ZNF280D: variants seen among roughly 807,000 people sequenced by gnomAD.
ZNF280D encodes zinc finger protein 280D, also known as suppressor of hairy wing homolog 4.
A neutral mutation model predicts 94.7 loss-of-function variants in ZNF280D; 39 were observed. The ratio of observed to expected loss-of-function variants is 0.41; its 90% confidence interval spans 0.32 to 0.54. The LOEUF (loss-of-function observed/expected upper bound fraction) is 0.54, where lower values mean the gene tolerates loss of function less well. Among genes scored for constraint, ZNF280D ranks in the 20% least tolerant of loss-of-function variants. The probability of loss-of-function intolerance (pLI) is 0.22; values close to 1 mark genes in which losing one functional copy is unlikely to be tolerated. For missense variants in ZNF280D, 1,090 were observed against 1,149.3 expected (o/e 0.95, Z 0.75); for synonymous variants, 398 against 377.6 (o/e 1.05, Z -0.63).
At chr15:56,659,175 TAAAAAA>T (rs35057161) in intron 16 of ZNF280D, among the ~76,000 whole-genome samples, 7 of 93,226 alleles carry the variant, frequency 7.5e-5, no homozygotes, top group South Asian at 4.7e-4. Flanking sequence ...TGTTTTTTAT[TAAAAAA>T]AAAAAAAAAA....
At chr15:56,715,251 T>C (rs2141336947) in intron 1 of ZNF280D, among the ~76,000 whole-genome samples, 1 of 152,252 alleles carries the variant, frequency 6.6e-6, no homozygotes, top group Admixed American at 6.5e-5. Context: ...GCATTAATCC[T>C]TAAAGTAAAA....
At chr15:56,685,296 A>G (rs4774244) in intron 9 of ZNF280D, among the ~76,000 whole-genome samples, 75,018 of 151,906 alleles carry the variant, frequency 0.49, 19,914 homozygotes, top group East Asian at 0.6. Flanking sequence ...ACAGTGGATT[A>G]TATTTACTGT....
chr15:56,655,796 T>C lies in ZNF280D; in HGVS notation c.2058-1293A>G, dbSNP rs1298563853. ...AATGCTTCAGATAACTTAGCCACTA[T>C]ATATTTAATTTCTTATAAGAGTTAA... is the stretch of plus-strand genomic sequence containing the variant. On this transcript the variant is annotated intron_variant, in intron 17 of 21. Coordinates refer to ENST00000267807, the MANE Select transcript of ZNF280D (RefSeq NM_017661.4). Among the ~76,000 whole-genome samples the C allele has an allele frequency of 1.8e-4, 28 of 152,266 alleles. 1 individual carries two copies. Among genetic ancestry groups the C allele is most frequent in the Admixed American group, 1.8e-3 (27 of 15,294 alleles).
At chr15:56,683,346 C>T (rs1391671853) in intron 9 of ZNF280D, among the ~76,000 whole-genome samples, 2 of 151,932 alleles carry the variant, frequency 1.3e-5, no homozygotes, top group African/African-American at 2.4e-5. Flanking sequence ...GAGATGAGAA[C>T]CAAGCTTAGA....
At chr15:56,712,277 C>G (rs1299376651) in intron 1 of ZNF280D, among the ~76,000 whole-genome samples, 1 of 151,998 alleles carries the variant, frequency 6.6e-6, no homozygotes, top group Non-Finnish European at 1.5e-5. Flanking sequence ...GAATAAGTAT[C>G]CAATTCAAAA....
At chr15:56,719,686 C>T (rs571770692) in intron 1 of ZNF280D, among the ~76,000 whole-genome samples, 1 of 152,190 alleles carries the variant, frequency 6.6e-6, no homozygotes, top group South Asian at 2.1e-4. Flanking sequence ...AAATTCAGTA[C>T]ATGCACACCT....
chr15:56,675,941 T>C (rs1419979979), intron 13 of ZNF280D, among the ~76,000 whole-genome samples: 3 of 152,040 alleles, frequency 2.0e-5, no homozygotes, highest in African/African-American at 7.3e-5. Flanking sequence ...AGGATTAGTA[T>C]TGCATCAAAA....
At chr15:56,653,854 A>T in intron 19 of ZNF280D, 1 of 1,242,186 alleles carries the variant, frequency 8.1e-7, no homozygotes. Context: ...AAAATATGTT[A>T]AGATATGTCA....
chr15:56,665,328 A>G (rs2054211812), intron 16 of ZNF280D, among the ~76,000 whole-genome samples: 1 of 152,212 alleles, frequency 6.6e-6, no homozygotes, highest in Non-Finnish European at 1.5e-5. Context: ...TCAGGTTTAT[A>G]TCTAAACAAC....
chr15:56,676,044 A>G (rs2055209839), intron 13 of ZNF280D, among the ~76,000 whole-genome samples: 1 of 151,504 alleles, frequency 6.6e-6, no homozygotes, highest in African/African-American at 2.4e-5. Context: ...AAGCACTAAT[A>G]TTGAGTTCCA....
chr15:56,656,740 C>CA (rs1483807308), intron 17 of ZNF280D, among the ~76,000 whole-genome samples: 9 of 151,792 alleles, frequency 5.9e-5, no homozygotes, highest in African/African-American at 2.2e-4. Context: ...CAGGCACAGA[C>CA]AAAAAAACCA....
chr15:56,692,301 A>T (rs1172550596), intron 7 of ZNF280D, among the ~76,000 whole-genome samples: 1 of 151,392 alleles, frequency 6.6e-6, no homozygotes, highest in Non-Finnish European at 1.5e-5. Context: ...TATTACTATT[A>T]AAAAAAAACT....
In ZNF280D at chr15:56,727,352, G is replaced by A. The variant is rs545363089; in HGVS notation, c.-86+6106C>T. 9.9e-5 allele frequency among the ~76,000 whole-genome samples: 15 copies of A among 152,280 alleles called. No individual in the cohort carries two copies. The South Asian group carries it at 1.0e-3, about 11-fold the overall frequency. On this transcript the variant is annotated intron_variant, in intron 1 of 21. Transcript: ENST00000267807. ...CGCACGCCTGTAGTTCCAGCTACTC[G>A]GGAGGCTGAGGCAGGAGAATCACTT...
At chr15:56,730,044 TA>T (rs1343922746) in intron 1 of ZNF280D, 1 of 152,190 alleles carries the variant, frequency 6.6e-6, no homozygotes, top group Non-Finnish European at 1.5e-5. Context: ...TTTACTCCTA[TA>T]AATTATACAT....
At chr15:56,633,242 C>G (rs1478176159) in intron 21 of ZNF280D, among the ~76,000 whole-genome samples, 1 of 152,104 alleles carries the variant, frequency 6.6e-6, no homozygotes, top group African/African-American at 2.4e-5. Flanking sequence ...TACTAAATTA[C>G]TATTTATATA....
intron 19 of ZNF280D, among the ~76,000 whole-genome samples, chr15:56,646,864 TAGCAA>T: frequency 6.6e-6 from 1 of 152,214 alleles, no homozygotes; most frequent in East Asian, 1.9e-4. Flanking sequence ...GAGCAAGAAT[TAGCAA>T]AGCAGAGTAA....
intron 6 of ZNF280D, among the ~76,000 whole-genome samples, chr15:56,693,799 A>G (rs1342206775): frequency 6.6e-6 from 1 of 152,222 alleles, no homozygotes; most frequent in African/African-American, 2.4e-5. Context: ...TGAATATATC[A>G]CATAATGTGA....
Position 56,642,995 on chromosome 15 carries a change from AAT to A in ZNF280D, c.2214_2215del (p.Glu738AspfsTer15). ...TTCCTTTGCGGGAGCTTCTTTTTTT[AAT>A]CTTGAAAACAAGATAAGTATTGAAT... On this transcript the variant is annotated frameshift_variant and splice_region_variant, in exon 20 of 22. Coordinates refer to ENST00000267807, the MANE Select transcript of ZNF280D (RefSeq NM_017661.4). LOFTEE classifies it high-confidence loss of function. The A allele has an allele frequency of 6.7e-7, 1 of 1,500,818 alleles. No individual in the cohort carries two copies. The highest frequency in any genetic ancestry group is 8.9e-7 in the Non-Finnish European group (1 of 1,127,934). 93.0% of individuals were successfully genotyped at this position (1,500,818 alleles called of 1,614,324 possible). A position where few individuals can be genotyped will look rare whatever the true frequency, so the allele number is the denominator to read the frequency against.
chr15:56,651,142 G>A (rs967613363), intron 19 of ZNF280D, among the ~76,000 whole-genome samples: 12 of 152,204 alleles, frequency 7.9e-5, no homozygotes, highest in South Asian at 2.1e-4. Context: ...ATAAATATTC[G>A]CTGAATAAAT....
Sources: gnomAD v4.1 joint callset for allele counts (sites outside exome capture counted in the v4.1 genomes callset) on GRCh38, gnomAD v4.1.1 for gene constraint, MANE v1.5 for transcripts, NCBI Gene and HGNC (gene_info 2026-07-23, HGNC 2026-07-21) for gene names.